The following COL1A2 variants were observed in gnomAD, a reference collection of about 807,000 sequenced individuals.
COL1A2 encodes the protein collagen alpha-2(I) chain.
Under a neutral mutation model 174.3 loss-of-function variants are expected in COL1A2, and 49 were observed. The ratio of observed to expected loss-of-function variants is 0.28; its 90% CI spans 0.22 to 0.36. COL1A2 has a LOEUF of 0.36. Among genes scored for constraint, COL1A2 ranks in the 10% least tolerant of loss-of-function variants. The probability of loss-of-function intolerance (pLI) is 1.00; values close to 1 mark genes in which losing one functional copy is unlikely to be tolerated. For synonymous variants in COL1A2, 655 were observed against 606.6 expected (o/e 1.08, Z -1.17); for missense variants, 1,438 against 1,822.7 (o/e 0.79, Z 3.84).
At chr7:94,397,631 G>T in intron 1 of COL1A2, 117 bp from the exon 2 acceptor site, 3 of 590,610 alleles carry the variant, frequency 5.1e-6, no homozygotes, top group Non-Finnish European at 9.2e-6. Context: ...AATATAATTG[G>T]TCCTTAATTA....
Position 94,411,107 on chromosome 7 carries a change from A to G in COL1A2, c.1303A>G (p.Asn435Asp). The G allele has an allele frequency of 6.2e-7, 1 of 1,603,402 alleles. No homozygotes were observed. Among genetic ancestry groups the G allele is most frequent in the Non-Finnish European group, 8.5e-7 (1 of 1,175,338 alleles). The change falls in exon 23 of 52, where the codon AAT becomes GAT. Residue 435 changes from asparagine (N) to aspartate (D), a missense_variant. Physicochemically the swap from Asn to Asp is conservative, Grantham distance 23. Transcript: ENST00000297268. ...TGGCCCTGCTGGAGTCCGAGGACCTAATGGAGATGCTGGTCGCCCTGGGGA... is the reference window on the plus strand; with the variant it reads ...TGGCCCTGCTGGAGTCCGAGGACCTGATGGAGATGCTGGTCGCCCTGGGGA... ...ASGPAGVRGP[N>D]GDAGRPGEPG...
chr7:94,410,960 T>TA lies in COL1A2; in HGVS notation c.1251+19dup, dbSNP rs762359173. ...GCGTCATGGTAAGCTGTCTATCACT[T>TA]ACTTCCTAGAAAGGGGCTTGCTGCT... On this transcript the variant is annotated intron_variant, in intron 22 of 51. Transcript: ENST00000297268. 15 of 1,613,740 alleles carry TA rather than the reference T, an allele frequency of 9.3e-6. No homozygotes were observed. The highest frequency in any genetic ancestry group is 2.7e-5 in the African/African-American group (2 of 74,888).
chr7:94,429,812 T>C (rs969727265), intron 51 of COL1A2: 2 of 252,630 alleles, frequency 7.9e-6, no homozygotes, highest in Non-Finnish European at 1.5e-5. Context: ...TATTTTATTT[T>C]ACTTATTAGT....
Position 94,413,104 on chromosome 7 carries a change from G to GTT in COL1A2, c.1525_1526insTT (p.Asp509ValfsTer174). 6.2e-7 allele frequency: 1 copy of GTT among 1,614,168 alleles called. No individual in the cohort carries two copies. Among genetic ancestry groups the GTT allele is most frequent in the Non-Finnish European group, 8.5e-7 (1 of 1,180,030 alleles). ...CTAGGGTGATCCTGGCAAAAACGGT[G>GTT]ATAAAGGTCATGCTGGTCTTGCTGG... is the stretch of plus-strand genomic sequence containing the variant. On this transcript the variant is annotated frameshift_variant, in exon 26 of 52. Transcript: ENST00000297268. LOFTEE classifies it high-confidence loss of function.
At position 94,429,954 on chromosome 7, in the gene COL1A2, A is replaced by C. The variant is rs1792364976; in HGVS notation, c.3955-293A>C. 61 of 455,676 alleles carry C rather than the reference A, an allele frequency of 1.3e-4. 2 individuals carry two copies. The South Asian group carries it at 1.4e-3, about 10-fold the overall frequency. 28.2% of individuals were successfully genotyped at this position (455,676 alleles called of 1,614,324 possible). A position where few individuals can be genotyped will look rare whatever the true frequency, so the allele number is the denominator to read the frequency against. ...CAAAGACACACATAGAGGGACATAC[A>C]CACAACAATCCTAAAAATGACTTTG... is the stretch of plus-strand genomic sequence containing the variant. On this transcript the variant is annotated intron_variant, in intron 51 of 51. Transcript: ENST00000297268.
chr7:94,413,158 G>C (rs1311258270), intron 26 of COL1A2, 22 bp downstream of exon 26: 1 of 1,611,008 alleles, frequency 6.2e-7, no homozygotes, highest in Non-Finnish European at 8.5e-7. Context: ...CTTGTGTACA[G>C]ATCTATTCAC....
chr7:94,406,523 G>C (rs1418177301), intron 12 of COL1A2, among the ~76,000 whole-genome samples: 1 of 152,014 alleles, frequency 6.6e-6, no homozygotes, highest in Non-Finnish European at 1.5e-5. Flanking sequence ...TTAAACAATT[G>C]AGATAAAAAT....
At chr7:94,409,696 T>G (rs566303844) in intron 18 of COL1A2, 27 bp from the exon 19 acceptor site, 2 of 1,613,940 alleles carry the variant, frequency 1.2e-6, no homozygotes, top group Admixed American at 1.7e-5. Flanking sequence ...ACCTCCCTAA[T>G]GGACCACACT....
At chr7:94,397,100 C>T (rs1487043499) in intron 1 of COL1A2, among the ~76,000 whole-genome samples, 20 of 151,820 alleles carry the variant, frequency 1.3e-4, no homozygotes, top group Non-Finnish European at 2.8e-4. Flanking sequence ...AATGATCTTA[C>T]CTAATTTAAG....
intron 13 of COL1A2, 82 bp downstream of exon 13, chr7:94,407,973 CT>C: frequency 7.5e-7 from 1 of 1,331,290 alleles, no homozygotes; most frequent in South Asian, 1.2e-5. Flanking sequence ...TTGCTAATCA[CT>C]GTATCCTTCA....
chr7:94,429,175 C>G lies in COL1A2; in HGVS notation c.3712-13C>G. 1 of 1,603,422 alleles carries G rather than the reference C, an allele frequency of 6.2e-7. No homozygotes were observed. The highest frequency in any genetic ancestry group is 2.2e-5 in the East Asian group (1 of 44,474). ...TTCTCCACTTAACTGGAATTTCATC[C>G]TATTTTCTGTAGTTTGAATATAATG... On this transcript the variant is annotated splice_polypyrimidine_tract_variant and intron_variant, in intron 50 of 51. Coordinates refer to ENST00000297268, the MANE Select transcript of COL1A2 (RefSeq NM_000089.4).
chr7:94,407,306 A>T (rs1415425513), intron 12 of COL1A2, among the ~76,000 whole-genome samples: 1 of 151,642 alleles, frequency 6.6e-6, no homozygotes, highest in East Asian at 2.0e-4. Context: ...ATTATCTTTA[A>T]AAAAAGTTCT....
At position 94,412,589 on chromosome 7, in the gene COL1A2, C is replaced by A; in HGVS notation, c.1410C>A (p.Leu470=). 1 of 1,613,458 alleles carries A rather than the reference C, an allele frequency of 6.2e-7. No individual in the cohort carries two copies. Among genetic ancestry groups the A allele is most frequent in the African/African-American group, 1.3e-5 (1 of 75,020 alleles). The stretch of plus-strand genomic sequence containing the variant: ...TGAAATAACTCTGCTTTCAGGGCCT[C>A]CCTGGCATCGACGGCAGGCCTGGCC... ...GPAGKEGPVG[L]PGIDGRPGPI... Residue 470 remains leucine, a synonymous_variant, in exon 25 of 52, where the codon CTC becomes CTA. Transcript: ENST00000297268.
chr7:94,412,183 A>C, intron 24 of COL1A2, 62 bp downstream of exon 24: 1 of 1,405,578 alleles, frequency 7.1e-7, no homozygotes, highest in African/African-American at 1.4e-5. Context: ...TATCAAGTCT[A>C]TTTTGTGGCT....
intron 29 of COL1A2, among the ~76,000 whole-genome samples, 195 bp from the exon 30 acceptor site, chr7:94,415,031 T>G (rs1214280772): frequency 2.6e-5 from 4 of 152,220 alleles, no homozygotes; most frequent in Non-Finnish European, 5.9e-5. Context: ...ATGGATACAT[T>G]TTTGTCACCA....
At position 94,417,790 on chromosome 7, in the gene COL1A2, G is replaced by A. The variant is rs143178652; in HGVS notation, c.1930G>A (p.Glu644Lys). ...ATCTGGTCCTAGTGGACTCCCAGGA[G>A]AGAGGGGTGCTGCTGGCATACCTGG... ...GPSGPSGLPG[E>K]RGAAGIPGGK... The change falls in exon 32 of 52, where the codon GAG becomes AAG. Residue 644 changes from glutamate (E) to lysine (K), a missense_variant. By Grantham distance (56) the Glu-to-Lys change is moderately conservative (BLOSUM62 1). This residue lies in a region of COL1A2 where 867 missense variants were observed against 1,213.7 expected (regional missense o/e 0.71). Transcript: ENST00000297268. The A allele has an allele frequency of 3.7e-6, 6 of 1,604,712 alleles. No individual in the cohort carries two copies. Among genetic ancestry groups the A allele is most frequent in the Non-Finnish European group, 5.1e-6 (6 of 1,175,762 alleles).
At chr7:94,426,111 C>T in intron 45 of COL1A2, 60 bp downstream of exon 45, 2 of 1,454,880 alleles carry the variant, frequency 1.4e-6, no homozygotes, top group Middle Eastern at 1.7e-4. Flanking sequence ...CAGTCCAAAA[C>T]ATCTGTTAAG....
At chr7:94,417,515 C>T (rs1792065860) in intron 31 of COL1A2, 5 of 580,540 alleles carry the variant, frequency 8.6e-6, no homozygotes, top group Non-Finnish European at 9.4e-6. Flanking sequence ...CTGTGCACTC[C>T]CACTACCCTC....
In COL1A2 at chr7:94,420,235, C is replaced by A. The variant is rs193229878; in HGVS notation, c.2082C>A (p.Gly694=). The part of the protein sequence containing the change: ...PGPAGATGDR[G]EAGAAGPAGP... Reference sequence around the variant, plus strand: ...ATTCATCTTTGGTCCCATTATAGGGCGAAGCTGGGGCTGCTGGTCCTGCTG... The same window carrying A: ...ATTCATCTTTGGTCCCATTATAGGGAGAAGCTGGGGCTGCTGGTCCTGCTG... The change falls in exon 35 of 52, where the codon GGC becomes GGA. Residue 694 remains glycine (G), a splice_region_variant and synonymous_variant. Transcript: ENST00000297268. 2.5e-5 allele frequency: 41 copies of A among 1,613,316 alleles called. No individual in the cohort carries two copies. In the Admixed American group the frequency reaches 6.7e-4, roughly 26 times the overall value.
Sources: allele counts gnomAD v4.1 joint callset (sites outside exome capture counted in the v4.1 genomes callset), GRCh38; gene constraint gnomAD v4.1.1; regional missense constraint gnomAD v4.1.1; transcripts MANE v1.5; gene names NCBI Gene and HGNC (gene_info 2026-07-23, HGNC 2026-07-21).